Variants in TLE1 observed in about 807,000 individuals in gnomAD.
The protein encoded by TLE1 is TLE family member 1, transcriptional corepressor.
A neutral mutation model predicts 89.8 loss-of-function variants in TLE1; 21 were observed. The ratio of observed to expected loss-of-function variants is 0.23; its 90% CI spans 0.17 to 0.34. TLE1 has a LOEUF of 0.34. TLE1 is among the 10% of genes least tolerant of loss of function. TLE1 has a pLI of 1.00. For synonymous variants in TLE1, 447 were observed against 407.6 expected (o/e 1.10, Z -1.16); for missense variants, 795 against 1,031.2 (o/e 0.77, Z 3.14).
intron 8 of TLE1, among the ~76,000 whole-genome samples, chr9:81,623,462 T>C (rs1825531904): frequency 6.6e-6 from 1 of 151,900 alleles, no homozygotes; most frequent in Admixed American, 6.6e-5. Context: ...GAAACAGAGG[T>C]TGCTTTGCAT....
chr9:81,684,126 A>C (rs1181206266), intron 4 of TLE1, among the ~76,000 whole-genome samples: 4 of 152,078 alleles, frequency 2.6e-5, no homozygotes, highest in Admixed American at 6.6e-5. Flanking sequence ...TTATCCAAAA[A>C]AAAGTGCCCT....
intron 6 of TLE1, among the ~76,000 whole-genome samples, chr9:81,643,288 G>A (rs192557784): frequency 3.3e-5 from 5 of 152,098 alleles, no homozygotes; most frequent in Admixed American, 6.5e-5. Flanking sequence ...CCAGGCTGGA[G>A]TACAATGGTG....
At chr9:81,679,149 A>G (rs1443914963) in intron 4 of TLE1, among the ~76,000 whole-genome samples, 1 of 152,206 alleles carries the variant, frequency 6.6e-6, no homozygotes, top group East Asian at 1.9e-4. Flanking sequence ...CTCTATCGCC[A>G]TTAAAAAAAT....
chr9:81,662,329 G>A (rs1421042771), intron 4 of TLE1, among the ~76,000 whole-genome samples: 1 of 150,538 alleles, frequency 6.6e-6, no homozygotes, highest in East Asian at 2.0e-4. Flanking sequence ...AGATGATGCA[G>A]GAGACACGGT....
chr9:81,664,833 G>A (rs888677744), intron 4 of TLE1, among the ~76,000 whole-genome samples: 1 of 152,120 alleles, frequency 6.6e-6, no homozygotes, highest in Non-Finnish European at 1.5e-5. Context: ...AGATGACTAG[G>A]CCCACCTGCG....
chr9:81,584,629 T>C, intron 18 of TLE1, 105 bp from the exon 19 acceptor site: 4 of 996,318 alleles, frequency 4.0e-6, no homozygotes, highest in Non-Finnish European at 6.0e-6. Flanking sequence ...ATATATGAAC[T>C]ATCATGCCCT....
In TLE1 at chr9:81,584,042, C is replaced by A; in HGVS notation, c.*156G>T. ...GGTGACTTTCTGCTGATGGACTTGT[C>A]GCCTCCTCTTTGTAGACTCAAAGTA... On this transcript the variant is annotated 3_prime_UTR_variant, in exon 20 of 20. Transcript: ENST00000376499. The A allele has an allele frequency of 1.5e-6, 1 of 654,726 alleles. No individual in the cohort carries two copies. The highest frequency in any genetic ancestry group is 2.0e-5 in the South Asian group (1 of 51,070). The allele number at this position is 654,726 out of a possible 1,614,324, so 40.6% of individuals were successfully genotyped here.
intron 8 of TLE1, among the ~76,000 whole-genome samples, chr9:81,631,275 A>G (rs984600499): frequency 2.0e-5 from 3 of 152,188 alleles, no homozygotes; most frequent in Non-Finnish European, 2.9e-5. Context: ...ACTTGCATAT[A>G]TTTTTCTGTC....
chr9:81,599,748 G>T, intron 14 of TLE1: 1 of 211,912 alleles, frequency 4.7e-6, no homozygotes, highest in Non-Finnish European at 9.3e-6. Context: ...TAGAAAATAT[G>T]CAGAACAGGG....
At chr9:81,663,654 G>C (rs1321102264) in intron 4 of TLE1, among the ~76,000 whole-genome samples, 1 of 142,152 alleles carries the variant, frequency 7.0e-6, no homozygotes, top group Admixed American at 7.3e-5. Flanking sequence ...ATGGAGTCTC[G>C]CTCTGTCACC....
intron 4 of TLE1, among the ~76,000 whole-genome samples, chr9:81,685,065 C>T (rs1011039277): frequency 2.6e-5 from 4 of 152,146 alleles, no homozygotes; most frequent in African/African-American, 9.7e-5. Flanking sequence ...TTAAAAACCA[C>T]TAGGACTGAA....
chr9:81,620,315 G>A, intron 9 of TLE1, 126 bp downstream of exon 9: 1 of 778,066 alleles, frequency 1.3e-6, no homozygotes. Context: ...TACAATGTAA[G>A]AACCTCTCCT....
chr9:81,651,358 C>T (rs1318779174), intron 6 of TLE1, among the ~76,000 whole-genome samples: 1 of 152,156 alleles, frequency 6.6e-6, no homozygotes, highest in African/African-American at 2.4e-5. Flanking sequence ...GGAGGATGAA[C>T]TCATGCAGGG....
chr9:81,597,299 G>C (rs78229974), intron 14 of TLE1, among the ~76,000 whole-genome samples: 7,536 of 152,088 alleles, frequency 0.05, 575 homozygotes, highest in African/African-American at 0.16. Flanking sequence ...GCCAAGTGAA[G>C]ATACGTTGAA....
At chr9:81,606,425 G>A (rs1047585485) in intron 14 of TLE1, among the ~76,000 whole-genome samples, 2 of 152,150 alleles carry the variant, frequency 1.3e-5, no homozygotes, top group Admixed American at 1.3e-4. Flanking sequence ...TACACACCAT[G>A]GAATACTATG....
At chr9:81,630,976 T>C (rs1049004686) in intron 8 of TLE1, among the ~76,000 whole-genome samples, 1 of 152,220 alleles carries the variant, frequency 6.6e-6, no homozygotes, top group African/African-American at 2.4e-5. Flanking sequence ...TTAATCATCA[T>C]TGCCCAACAG....
At chr9:81,654,867 A>C (rs1829974920) in intron 4 of TLE1, among the ~76,000 whole-genome samples, 1 of 152,188 alleles carries the variant, frequency 6.6e-6, no homozygotes, top group Non-Finnish European at 1.5e-5. Flanking sequence ...TAGCTTCCCT[A>C]AGTCTCAAAC....
In TLE1 at chr9:81,585,709, G is replaced by A. The variant is rs983264559; in HGVS notation, c.1978-54C>T. The A allele has an allele frequency of 6.1e-5, 97 of 1,590,630 alleles. No individual in the cohort carries two copies. In the African/African-American group the frequency reaches 1.1e-3, roughly 18 times the overall value. On this transcript the variant is annotated intron_variant, in intron 17 of 19. Transcript: ENST00000376499. ...TATTCCGCCTGATACACTTAGGAAG[G>A]GAAGACGCAATGTGAAAAGTGGGGA...
At chr9:81,679,834 C>CT (rs749248808) in intron 4 of TLE1, among the ~76,000 whole-genome samples, 1 of 152,104 alleles carries the variant, frequency 6.6e-6, no homozygotes, top group African/African-American at 2.4e-5. Context: ...TCTCAGTTTC[C>CT]TCCCCTTTAA....
Sources: gnomAD v4.1 joint callset for allele counts (sites outside exome capture counted in the v4.1 genomes callset) on GRCh38, gnomAD v4.1.1 for gene constraint, MANE v1.5 for transcripts, NCBI Gene and HGNC (gene_info 2026-07-23, HGNC 2026-07-21) for gene names.